The following PDE4D variants were observed in gnomAD, a reference collection of about 807,000 sequenced individuals.
The protein encoded by PDE4D is 3',5'-cyclic-AMP phosphodiesterase 4D.
PDE4D carries 24 observed loss-of-function variants against 87.4 expected under a neutral mutation model. The ratio of observed to expected loss-of-function variants is 0.27; its 90% CI spans 0.20 to 0.39. PDE4D has a LOEUF of 0.39. PDE4D is among the 10% of genes least tolerant of loss of function. The probability of loss-of-function intolerance (pLI) is 1.00; values close to 1 mark genes in which losing one functional copy is unlikely to be tolerated. For synonymous variants in PDE4D, 384 were observed against 383.2 expected (o/e 1.00, Z -0.02); for missense variants, 714 against 1,041.0 (o/e 0.69, Z 4.32).
At chr5:59,692,337 C>T (rs571237052) in intron 1 of PDE4D, among the ~76,000 whole-genome samples, 9 of 152,170 alleles carry the variant, frequency 5.9e-5, no homozygotes, top group Non-Finnish European at 1.2e-4. Context: ...TTGGTTTGAC[C>T]ATGGTTCTAT....
chr5:59,184,732 C>T (rs933279942), intron 4 of PDE4D, among the ~76,000 whole-genome samples: 16 of 152,064 alleles, frequency 1.1e-4, no homozygotes, highest in African/African-American at 3.4e-4. Flanking sequence ...CTATTAATTG[C>T]TCCATGAATG....
rs576503555 is a variant in PDE4D at position 60,236,079 on chromosome 5, C to T, written c.-89-50392G>A. On this transcript the variant is annotated intron_variant, in intron 1 of 16. Coordinates refer to the PDE4D transcript ENST00000502484. ...AGATAAAATAAATCTCAACTTGCACCTCACTATTTATACAAAAATTACTCG... is the reference window on the plus strand; with the variant it reads ...AGATAAAATAAATCTCAACTTGCACTTCACTATTTATACAAAAATTACTCG... 7.4e-4 allele frequency among the ~76,000 whole-genome samples: 113 copies of T among 151,866 alleles called. 2 individuals are homozygous for T. In the South Asian group the frequency reaches 0.022, roughly 30 times the overall value.
intron 1 of PDE4D, among the ~76,000 whole-genome samples, chr5:60,500,885 A>G (rs1750036553): frequency 6.6e-6 from 1 of 152,210 alleles, no homozygotes; most frequent in Non-Finnish European, 1.5e-5. Flanking sequence ...CAGGACTGAT[A>G]TAATTAACTC....
chr5:60,348,658 T>C (rs1758930185), intron 1 of PDE4D, among the ~76,000 whole-genome samples: 1 of 152,158 alleles, frequency 6.6e-6, no homozygotes, highest in Non-Finnish European at 1.5e-5. Context: ...ATGACTTTCA[T>C]GGAACTCTAG....
intron 1 of PDE4D, among the ~76,000 whole-genome samples, chr5:59,541,872 A>T (rs551720199): frequency 6.6e-6 from 1 of 152,260 alleles, no homozygotes; most frequent in East Asian, 1.9e-4. Context: ...CATGACACTC[A>T]GATCTGGATC....
At chr5:60,182,352 T>C (rs1001717240) in intron 2 of PDE4D, among the ~76,000 whole-genome samples, 5 of 152,226 alleles carry the variant, frequency 3.3e-5, no homozygotes, top group Admixed American at 6.5e-5. Context: ...GATTCCATTA[T>C]ACTAGTCACT....
chr5:60,320,345 G>A (rs1395089473), intron 1 of PDE4D, among the ~76,000 whole-genome samples: 2 of 152,180 alleles, frequency 1.3e-5, no homozygotes, highest in Non-Finnish European at 2.9e-5. Flanking sequence ...GCAGTATTAC[G>A]GTGGGAGTGA....
At chr5:60,130,805 G>C (rs1055382183) in intron 2 of PDE4D, among the ~76,000 whole-genome samples, 2 of 152,144 alleles carry the variant, frequency 1.3e-5, no homozygotes, top group African/African-American at 4.8e-5. Context: ...AGATGTAAAA[G>C]ATATGTCTGT....
intron 1 of PDE4D, among the ~76,000 whole-genome samples, chr5:59,641,082 T>A (rs1741503150): frequency 6.6e-6 from 1 of 152,174 alleles, no homozygotes; most frequent in Non-Finnish European, 1.5e-5. Flanking sequence ...GTTTCCCTAC[T>A]CTTGAAGGTT....
chr5:59,432,367 A>G (rs1310014814), intron 1 of PDE4D, among the ~76,000 whole-genome samples: 3 of 152,112 alleles, frequency 2.0e-5, no homozygotes, highest in Non-Finnish European at 4.4e-5. Flanking sequence ...TAAATGTACC[A>G]TTATTTATTC....
chr5:59,278,476 C>T (rs1031989772), intron 1 of PDE4D, among the ~76,000 whole-genome samples: 5 of 151,970 alleles, frequency 3.3e-5, no homozygotes, highest in African/African-American at 1.2e-4. Flanking sequence ...TGGTTGTTAC[C>T]ACATTTCAAT....
At chr5:59,873,037 C>A (rs1252131018) in intron 1 of PDE4D, among the ~76,000 whole-genome samples, 1 of 152,092 alleles carries the variant, frequency 6.6e-6, no homozygotes, top group Non-Finnish European at 1.5e-5. Context: ...TGAAAGGTAC[C>A]TTTCTGGGGC....
intron 2 of PDE4D, among the ~76,000 whole-genome samples, chr5:60,054,265 CAA>C (rs1457212464): frequency 3.3e-5 from 5 of 152,146 alleles, no homozygotes; most frequent in African/African-American, 1.2e-4. Flanking sequence ...GTTTACAGTG[CAA>C]AGACTTGGAA....
At chr5:59,416,222 T>C (rs1793586053) in intron 1 of PDE4D, among the ~76,000 whole-genome samples, 1 of 152,236 alleles carries the variant, frequency 6.6e-6, no homozygotes, top group South Asian at 2.1e-4. Context: ...CATTCACATC[T>C]GTTTCTGTCT....
intron 1 of PDE4D, among the ~76,000 whole-genome samples, chr5:59,741,842 C>T (rs550663004): frequency 2.8e-4 from 43 of 152,164 alleles, no homozygotes; most frequent in South Asian, 1.2e-3. Flanking sequence ...CTAAGTTTAA[C>T]GGTAAACTTC....
At chr5:59,681,900 C>CAAAAAAAA (rs11266968) in intron 1 of PDE4D, among the ~76,000 whole-genome samples, 1 of 96,442 alleles carries the variant, frequency 1.0e-5, no homozygotes, top group African/African-American at 3.8e-5. Context: ...GACTCTGTCT[C>CAAAAAAAA]AAAAAAAAAA....
chr5:59,795,235 G>A (rs886267699), intron 1 of PDE4D, among the ~76,000 whole-genome samples: 6 of 152,176 alleles, frequency 3.9e-5, no homozygotes, highest in African/African-American at 7.2e-5. Context: ...AAGTCTAATC[G>A]TTTTTAGTTT....
At chr5:59,580,296 A>T (rs2153699616) in intron 1 of PDE4D, among the ~76,000 whole-genome samples, 1 of 152,294 alleles carries the variant, frequency 6.6e-6, no homozygotes, top group Non-Finnish European at 1.5e-5. Flanking sequence ...CTCATCTGCA[A>T]ACAGGGATTT....
intron 1 of PDE4D, among the ~76,000 whole-genome samples, chr5:59,690,292 G>A (rs564521875): frequency 1.9e-4 from 29 of 152,286 alleles, no homozygotes; most frequent in African/African-American, 6.7e-4. Flanking sequence ...CAAAGCTGGA[G>A]GCATCACGCT....
Sources: gnomAD v4.1 joint callset for allele counts (sites outside exome capture counted in the v4.1 genomes callset) on GRCh38, gnomAD v4.1.1 for gene constraint, MANE v1.5 for transcripts, NCBI Gene and HGNC (gene_info 2026-07-23, HGNC 2026-07-21) for gene names.